Variants in SHROOM3 observed in about 807,000 individuals in gnomAD.
SHROOM3 encodes shroom family member 3.
In SHROOM3, 47 loss-of-function variants were observed where a neutral mutation model predicts 138.6. That is an observed-to-expected ratio of 0.34 (90% confidence interval 0.27 to 0.43). The LOEUF is 0.43. SHROOM3 is among the 20% of genes least tolerant of loss of function. The pLI is 1.00. For missense variants in SHROOM3, 2,491 were observed against 2,596.5 expected (o/e 0.96, Z 0.88); for synonymous variants, 1,062 against 1,063.3 (o/e 1.00, Z 0.02).
chr4:76,623,267 C>A (rs923374048), intron 2 of SHROOM3, among the ~76,000 whole-genome samples: 1 of 152,160 alleles, frequency 6.6e-6, no homozygotes, highest in African/African-American at 2.4e-5. Flanking sequence ...AAAAAGTCAA[C>A]CAAAATCCAA....
At chr4:76,494,818 G>C (rs1413575410) in intron 1 of SHROOM3, among the ~76,000 whole-genome samples, 1 of 152,198 alleles carries the variant, frequency 6.6e-6, no homozygotes, top group African/African-American at 2.4e-5. Context: ...GCAAGATACA[G>C]AATTTGGCAA....
intron 3 of SHROOM3, among the ~76,000 whole-genome samples, chr4:76,711,525 T>C (rs771938894): frequency 3.9e-5 from 6 of 152,106 alleles, no homozygotes; most frequent in Non-Finnish European, 7.4e-5. Context: ...AAACCCTGTC[T>C]CTACAAAAAA....
At chr4:76,606,831 T>G (rs1363486043) in intron 2 of SHROOM3, among the ~76,000 whole-genome samples, 2 of 152,222 alleles carry the variant, frequency 1.3e-5, no homozygotes, top group Non-Finnish European at 2.9e-5. Context: ...CATAGTATTG[T>G]ACTGGGTAGC....
chr4:76,463,617 A>G (rs921247449), intron 1 of SHROOM3, among the ~76,000 whole-genome samples: 1 of 152,236 alleles, frequency 6.6e-6, no homozygotes, highest in African/African-American at 2.4e-5. Flanking sequence ...CCTTTGTATC[A>G]GCCCTTCTTA....
chr4:76,565,020 G>A (rs1427716246), intron 2 of SHROOM3, among the ~76,000 whole-genome samples: 2 of 152,014 alleles, frequency 1.3e-5, no homozygotes, highest in African/African-American at 4.8e-5. Context: ...AATTAGCCGG[G>A]TGTGGTGGTG....
intron 2 of SHROOM3, among the ~76,000 whole-genome samples, chr4:76,583,775 A>T (rs1734095570): frequency 6.6e-6 from 1 of 152,212 alleles, no homozygotes; most frequent in African/African-American, 2.4e-5. Flanking sequence ...AGAGAATGTA[A>T]CATGGTAACT....
chr4:76,558,525 T>G (rs1204385663), intron 2 of SHROOM3, among the ~76,000 whole-genome samples: 1 of 152,164 alleles, frequency 6.6e-6, no homozygotes, highest in Non-Finnish European at 1.5e-5. Context: ...TTCATTCTCT[T>G]AGTGAGTTTA....
intron 2 of SHROOM3, among the ~76,000 whole-genome samples, chr4:76,607,974 A>G (rs566478247): frequency 3.9e-4 from 59 of 152,338 alleles, no homozygotes; most frequent in Non-Finnish European, 7.2e-4. Context: ...CTAGCTGTGC[A>G]GGCTGTTCAC....
At chr4:76,535,927 G>T (rs1732944414) in intron 1 of SHROOM3, among the ~76,000 whole-genome samples, 1 of 152,184 alleles carries the variant, frequency 6.6e-6, no homozygotes. Flanking sequence ...ACAGGCGGAG[G>T]AAGAAATGCG....
At chr4:76,657,355 G>A (rs1434522483) in intron 2 of SHROOM3, among the ~76,000 whole-genome samples, 2 of 152,280 alleles carry the variant, frequency 1.3e-5, no homozygotes, top group Non-Finnish European at 2.9e-5. Flanking sequence ...AACATTGTGA[G>A]AGGCAGAGTG....
At chr4:76,483,060 T>C (rs377742957) in intron 1 of SHROOM3, among the ~76,000 whole-genome samples, 21 of 152,058 alleles carry the variant, frequency 1.4e-4, no homozygotes, top group East Asian at 9.6e-4. Flanking sequence ...AAAGAAAACC[T>C]AGGCAATACC....
At chr4:76,584,170 T>A (rs369214431) in intron 2 of SHROOM3, among the ~76,000 whole-genome samples, 1 of 151,898 alleles carries the variant, frequency 6.6e-6, no homozygotes. Flanking sequence ...AATAAAAAAT[T>A]AGCCAGGCGT....
At chr4:76,582,289 G>C (rs1254032092) in intron 2 of SHROOM3, among the ~76,000 whole-genome samples, 1 of 151,922 alleles carries the variant, frequency 6.6e-6, no homozygotes, top group East Asian at 1.9e-4. Flanking sequence ...ATGCCCTACA[G>C]GCATTTAAAC....
In SHROOM3 at chr4:76,739,047, C is replaced by T. The variant is rs202185868; in HGVS notation, c.874C>T (p.Arg292Ter). ...AGGCTCCATGGACAATACTTCTGCT[C>T]GAGGTGGCCTCCTCGAAGGGATGAG... is the stretch of plus-strand genomic sequence containing the variant. The part of the protein sequence containing the change: ...RSGSMDNTSA[R>*]GGLLEGMRQA... Residue 292 changes from arginine (R) to a stop codon, truncating the protein, a stop_gained, in exon 5 of 11, where the codon CGA becomes TGA. Transcript: ENST00000296043. LOFTEE classifies it high-confidence loss of function. The T allele has an allele frequency of 1.2e-6, 2 of 1,614,196 alleles. No homozygotes were observed. Among genetic ancestry groups the T allele is most frequent in the South Asian group, 1.1e-5 (1 of 91,070 alleles).
In SHROOM3 at chr4:76,740,618, C is replaced by A; in HGVS notation, c.2445C>A (p.Val815=). 3 of 1,614,214 alleles carry A rather than the reference C, an allele frequency of 1.9e-6. No individual in the cohort carries two copies. Among genetic ancestry groups the A allele is most frequent in the Non-Finnish European group, 2.5e-6 (3 of 1,180,036 alleles). The part of the protein sequence containing the change: ...FGHNYRPHRT[V]STSSTSGNDF... ...ATAACTATAGGCCCCACAGGACCGT[C>A]TCAACTTCCAGTACTTCTGGGAATG... is the stretch of plus-strand genomic sequence containing the variant. Residue 815 remains valine (V), a synonymous_variant, in exon 5 of 11, where the codon GTC becomes GTA. Coordinates refer to ENST00000296043, the MANE Select transcript of SHROOM3 (RefSeq NM_020859.4). This position sits in a 1 kb window ranked among gnomAD's most constrained non-coding sequence, Gnocchi z 4.0.
At chr4:76,761,247 ATT>A (rs1438720396) in intron 9 of SHROOM3, among the ~76,000 whole-genome samples, 1 of 152,084 alleles carries the variant, frequency 6.6e-6, no homozygotes, top group Non-Finnish European at 1.5e-5. Flanking sequence ...TGTGTACCCA[ATT>A]AACTGTTTTC....
chr4:76,666,454 T>G (rs1357899591), intron 2 of SHROOM3, among the ~76,000 whole-genome samples: 1 of 151,462 alleles, frequency 6.6e-6, no homozygotes, highest in Non-Finnish European at 1.5e-5. Context: ...TTATTTTTTG[T>G]AGAAACAAAG....
chr4:76,553,387 T>C (rs1442096178), intron 1 of SHROOM3, among the ~76,000 whole-genome samples: 1 of 152,178 alleles, frequency 6.6e-6, no homozygotes, highest in African/African-American at 2.4e-5. Context: ...ATGATTTCCC[T>C]GCCTCAGCTT....
chr4:76,442,999 A>G (rs1421826895), intron 1 of SHROOM3, among the ~76,000 whole-genome samples: 2 of 152,204 alleles, frequency 1.3e-5, no homozygotes, highest in East Asian at 3.8e-4. Context: ...CTGTTTAAAA[A>G]CTAAGGCAAG....
Sources: allele counts gnomAD v4.1 joint callset (sites outside exome capture counted in the v4.1 genomes callset), GRCh38; gene constraint gnomAD v4.1.1; non-coding constraint Gnocchi (gnomAD v3.1); transcripts MANE v1.5; gene names NCBI Gene and HGNC (gene_info 2026-07-23, HGNC 2026-07-21).